Variants in PLCB2 observed in about 807,000 individuals in gnomAD.
PLCB2 encodes phospholipase C beta 2, also known as 1-phosphatidylinositol 4,5-bisphosphate phosphodiesterase beta-2.
PLCB2 carries 115 observed loss-of-function variants against 141.7 expected under a neutral mutation model. The observed-to-expected ratio is 0.81, with a 90% confidence interval of 0.70 to 0.95. The LOEUF is 0.95. PLCB2 is among the 40% of genes least tolerant of loss of function. The probability of loss-of-function intolerance (pLI) is 0.00; values close to 1 mark genes in which losing one functional copy is unlikely to be tolerated. For missense variants in PLCB2, 1,403 were observed against 1,541.1 expected, an observed-to-expected ratio of 0.91 and a Z score of 1.50; for synonymous variants, 603 against 595.6, an observed-to-expected ratio of 1.01 and a Z score of -0.18.
In PLCB2 at chr15:40,291,184, C is replaced by T. The variant is rs1200713248; in HGVS notation, c.2871-1G>A. 1.3e-6 allele frequency: 2 copies of T among 1,571,696 alleles called. No homozygotes were observed. The highest frequency in any genetic ancestry group is 1.7e-6 in the Non-Finnish European group (2 of 1,166,754). ...GGCGCTCTCCTCGCGGGGCAGGCTC[C>T]TGGGGAGGCCACGTGGGGACAGGCC... On this transcript the variant is annotated splice_acceptor_variant, in intron 26 of 31. Coordinates refer to ENST00000260402, the MANE Select transcript of PLCB2 (RefSeq NM_004573.3). LOFTEE classifies it high-confidence loss of function.
intron 1 of PLCB2, among the ~76,000 whole-genome samples, chr15:40,305,175 CTTT>C (rs11320842): frequency 8.9e-5 from 12 of 134,838 alleles, no homozygotes; most frequent in African/African-American, 1.1e-4. Context: ...TTTGTGATCT[CTTT>C]TTTTTTTTTT....
chr15:40,302,702 T>C, intron 3 of PLCB2, 93 bp from the exon 4 acceptor site: 1 of 1,420,738 alleles, frequency 7.0e-7, no homozygotes, highest in Admixed American at 1.9e-5. Context: ...ACTTGGGCTA[T>C]GGCCCACTGG....
At position 40,302,490 on chromosome 15, in the gene PLCB2, G is replaced by A. The variant is rs1226053109; in HGVS notation, c.351C>T (p.Ser117=). The part of the protein sequence containing the change: ...MVDLTFHNFV[S]YKENVGKAWA... The stretch of plus-strand genomic sequence containing the variant: ...ACACCTTGCCCACGTTCTCCTTGTA[G>A]GAGACGAAGTTGTGGAAGGTGAGGT... Residue 117 remains serine, a synonymous_variant, in exon 4 of 32, where the codon TCC becomes TCT. Coordinates refer to ENST00000260402, the MANE Select transcript of PLCB2 (RefSeq NM_004573.3). 2 of 1,614,146 alleles carry A rather than the reference G, an allele frequency of 1.2e-6. No homozygotes were observed. Among genetic ancestry groups the A allele is most frequent in the Non-Finnish European group, 1.7e-6 (2 of 1,179,994 alleles).
intron 1 of PLCB2, among the ~76,000 whole-genome samples, chr15:40,305,755 A>G (rs2040763714): frequency 6.6e-6 from 1 of 152,226 alleles, no homozygotes; most frequent in Non-Finnish European, 1.5e-5. Flanking sequence ...AGGCTCAGAA[A>G]GCATGAGCCA....
rs2040313419 is a variant in PLCB2, at chr15:40,297,970, A to C, written c.1156-11T>G. The C allele has an allele frequency of 2.5e-6, 4 of 1,573,956 alleles. No homozygotes were observed. Among genetic ancestry groups the C allele is most frequent in the Non-Finnish European group, 3.5e-6 (4 of 1,144,472 alleles). On this transcript the variant is annotated splice_polypyrimidine_tract_variant and intron_variant, in intron 11 of 31. Coordinates refer to ENST00000260402, the MANE Select transcript of PLCB2 (RefSeq NM_004573.3). This position sits in a 1 kb window ranked among gnomAD's most constrained non-coding sequence, Gnocchi z 4.2. ...AGCCTCAATTGCTTCCTGGAGGAGA[A>C]GGAGACTCCATGAACAGAAGGTCAG...
At chr15:40,299,331 C>T (rs2040397185) in intron 7 of PLCB2, 103 bp from the exon 8 acceptor site, 1 of 732,792 alleles carries the variant, frequency 1.4e-6, no homozygotes, top group Non-Finnish European at 2.4e-6. Flanking sequence ...AGAAGGCGGG[C>T]TCAAGGCAGA....
At chr15:40,289,525 A>C (rs986023659) in intron 30 of PLCB2, 167 bp from the exon 31 acceptor site, 9 of 624,894 alleles carry the variant, frequency 1.4e-5, no homozygotes, top group Admixed American at 7.8e-5. Flanking sequence ...GTCTCACTGG[A>C]CTGTAAAAGA....
chr15:40,298,257 T>C lies in PLCB2; in HGVS notation c.1121A>G (p.His374Arg), dbSNP rs911649623. The change falls in exon 11 of 32, where the codon CAT becomes CGT. Residue 374 changes from histidine to arginine, a missense_variant. His to Arg is a conservative substitution (Grantham distance 29). Transcript: ENST00000260402. ...KPPDEEPIIT[H>R]GFTMTTDIFF... ...GATGTCTGTGGTCATGGTGAAGCCA[T>C]GGGTGATAATGGGCTCCTCGTCAGG... is the stretch of plus-strand genomic sequence containing the variant. The C allele has an allele frequency of 6.3e-7, 1 of 1,584,814 alleles. No individual in the cohort carries two copies. The highest frequency in any genetic ancestry group is 8.6e-7 in the Non-Finnish European group (1 of 1,164,162).
chr15:40,291,530 T>G (rs1409529364), intron 25 of PLCB2, 43 bp from the exon 26 acceptor site: 1 of 1,604,826 alleles, frequency 6.2e-7, no homozygotes. Flanking sequence ...CAGGCCGTCC[T>G]GCCCGTCCAA....
chr15:40,302,631 T>C (rs1287823419), intron 3 of PLCB2, 22 bp from the exon 4 acceptor site: 1 of 1,613,310 alleles, frequency 6.2e-7, no homozygotes. Context: ...GGTGGTATGG[T>C]TAGGATGGAG....
At chr15:40,303,919 T>G (rs535677948) in intron 2 of PLCB2, 82 bp downstream of exon 2, 63 of 981,638 alleles carry the variant, frequency 6.4e-5, no homozygotes, top group Non-Finnish European at 8.7e-5. Context: ...CATCCATGCC[T>G]CCACCTTGGT....
chr15:40,301,638 C>G (rs1454880463), intron 7 of PLCB2: 1 of 703,014 alleles, frequency 1.4e-6, no homozygotes, highest in Non-Finnish European at 2.6e-6. Flanking sequence ...AGCTCCCATT[C>G]CCAACACTAG....
At chr15:40,305,090 T>A (rs1255128326) in intron 1 of PLCB2, among the ~76,000 whole-genome samples, 1 of 151,342 alleles carries the variant, frequency 6.6e-6, no homozygotes, top group African/African-American at 2.4e-5. Context: ...TTCCCTTACC[T>A]CCCCAAGGGA....
At chr15:40,290,439 T>G in intron 29 of PLCB2, 138 bp downstream of exon 29, 2 of 721,472 alleles carry the variant, frequency 2.8e-6, no homozygotes, top group South Asian at 3.2e-5. Flanking sequence ...TGATCAAAGG[T>G]GACAGGGGGG....
intron 3 of PLCB2, 61 bp from the exon 4 acceptor site, chr15:40,302,670 C>G: frequency 6.3e-7 from 1 of 1,581,296 alleles, no homozygotes; most frequent in Non-Finnish European, 8.6e-7. Context: ...CAGTGTGGCT[C>G]TCTCTGGCCC....
intron 19 of PLCB2, 62 bp downstream of exon 19, chr15:40,294,204 C>T (rs2040081628): frequency 6.5e-7 from 1 of 1,527,942 alleles, no homozygotes; most frequent in Admixed American, 1.7e-5. Context: ...GAGGGGTGGG[C>T]TCCTGTGCCC....
At chr15:40,298,028 T>C (rs563443715) in intron 11 of PLCB2, 69 bp from the exon 12 acceptor site, 16 of 1,285,884 alleles carry the variant, frequency 1.2e-5, no homozygotes, top group East Asian at 1.2e-4. Context: ...ATAGCACTTT[T>C]CCCCCCTGCC....
downstream of PLCB2, among the ~76,000 whole-genome samples, chr15:40,285,013 G>A (rs559172901): frequency 9.2e-5 from 14 of 152,266 alleles, no homozygotes; most frequent in Non-Finnish European, 2.1e-4. Context: ...CTGAGCAGAT[G>A]CTTTGGAGTA....
In PLCB2 at chr15:40,291,062, G is replaced by A; in HGVS notation, c.2992C>T (p.Gln998Ter). The change falls in exon 27 of 32, where the codon CAG (glutamine) becomes TAG (stop). Residue 998 changes from glutamine to a stop codon, truncating the protein, a stop_gained. Coordinates refer to ENST00000260402, the MANE Select transcript of PLCB2 (RefSeq NM_004573.3). LOFTEE classifies it high-confidence loss of function. Reference sequence around the variant, plus strand: ...TTGCGCTTCAGAACGCACTCGTACTGCTCCTCGCCCTGCCGCAGCAGCTCC... The same window carrying A: ...TTGCGCTTCAGAACGCACTCGTACTACTCCTCGCCCTGCCGCAGCAGCTCC... The part of the protein sequence containing the change: ...ELELLRQGEE[Q>*]YECVLKRKEQ... The A allele has an allele frequency of 6.3e-7, 1 of 1,592,014 alleles. No individual in the cohort carries two copies. The highest frequency in any genetic ancestry group is 1.7e-5 in the Admixed American group (1 of 59,404).
Sources: allele counts gnomAD v4.1 joint callset (sites outside exome capture counted in the v4.1 genomes callset), GRCh38; gene constraint gnomAD v4.1.1; non-coding constraint Gnocchi (gnomAD v3.1); transcripts MANE v1.5; gene names NCBI Gene and HGNC (gene_info 2026-07-23, HGNC 2026-07-21).